PLCG2: variants seen among roughly 807,000 people sequenced by gnomAD.
The protein encoded by PLCG2 is phospholipase C gamma 2.
Under a neutral mutation model 175.6 loss-of-function variants are expected in PLCG2, and 69 were observed. The ratio of observed to expected loss-of-function variants is 0.39; its 90% CI spans 0.32 to 0.48. PLCG2 has a LOEUF of 0.48. Among genes scored for constraint, PLCG2 ranks in the 20% least tolerant of loss-of-function variants. The pLI is 0.91. For synonymous variants in PLCG2, 827 were observed against 624.0 expected (o/e 1.33, Z -4.85); for missense variants, 1,798 against 1,650.9 (o/e 1.09, Z -1.54).
intron 2 of PLCG2, among the ~76,000 whole-genome samples, chr16:81,792,206 G>A (rs1380538437): frequency 6.6e-5 from 10 of 152,098 alleles, no homozygotes; most frequent in Non-Finnish European, 1.3e-4. Context: ...TCCAGCCTGG[G>A]CACAGTGGCT....
chr16:81,854,857 G>C (rs1202063778), intron 3 of PLCG2, among the ~76,000 whole-genome samples: 1 of 152,112 alleles, frequency 6.6e-6, no homozygotes, highest in African/African-American at 2.4e-5. Context: ...GTGTCTCTCT[G>C]GCTCATGCTG....
In PLCG2 at chr16:81,962,254, G is replaced by C. The variant is rs1911805421; in HGVS notation, c.*4256G>C. ...GACCTCAACCCTTTTGACTTTAAAA[G>C]GAAAATAGCTTAACCTTCAACCTGT... On this transcript the variant is annotated 3_prime_UTR_variant, in exon 33 of 33. Coordinates refer to ENST00000564138, the MANE Select transcript of PLCG2 (RefSeq NM_002661.5). 1 of 193,638 alleles carries C rather than the reference G, an allele frequency of 5.2e-6. No homozygotes were observed. The highest frequency in any genetic ancestry group is 1.9e-4 in the South Asian group (1 of 5,162). The allele number at this position is 193,638 out of a possible 1,614,324, so 12.0% of individuals were successfully genotyped here. A position where few individuals can be genotyped will look rare whatever the true frequency, so the allele number is the denominator to read the frequency against.
intron 19 of PLCG2, among the ~76,000 whole-genome samples, chr16:81,916,182 TAAAC>T (rs922287925): frequency 6.6e-6 from 1 of 152,074 alleles, no homozygotes; most frequent in African/African-American, 2.4e-5. Context: ...TCACTGGAAA[TAAAC>T]CACTGAAGCA....
rs182585583 is a variant in PLCG2 at position 81,921,432 on chromosome 16, C to A, written c.2307+163C>A. Reference sequence around the variant, plus strand: ...GAGAAGAAAGGATGATTGATAATATCAAGCCTAGTTTCAGGGAAAATGTTA... The same window carrying A: ...GAGAAGAAAGGATGATTGATAATATAAAGCCTAGTTTCAGGGAAAATGTTA... On this transcript the variant is annotated intron_variant, in intron 21 of 32. Coordinates refer to ENST00000564138, the MANE Select transcript of PLCG2 (RefSeq NM_002661.5). The A allele has an allele frequency of 6.8e-5, 46 of 675,712 alleles. No homozygotes were observed. The East Asian group carries it at 1.2e-3, about 18-fold the overall frequency. The allele number at this position is 675,712 out of a possible 1,614,324, so 41.9% of individuals were successfully genotyped here.
At chr16:81,804,246 A>G (rs1911891585) in intron 2 of PLCG2, among the ~76,000 whole-genome samples, 1 of 152,194 alleles carries the variant, frequency 6.6e-6, no homozygotes, top group South Asian at 2.1e-4. Context: ...TCACCATCCT[A>G]GTGGAGGTGA....
intron 2 of PLCG2, among the ~76,000 whole-genome samples, chr16:81,788,338 T>G (rs1481121327): frequency 6.6e-6 from 1 of 152,182 alleles, no homozygotes; most frequent in East Asian, 1.9e-4. Flanking sequence ...TGGAGTGCAG[T>G]AGTACAATGT....
At chr16:81,872,504 C>T (rs1189597466) in intron 7 of PLCG2, among the ~76,000 whole-genome samples, 1 of 152,186 alleles carries the variant, frequency 6.6e-6, no homozygotes, top group Non-Finnish European at 1.5e-5. Context: ...AGCTCATTTT[C>T]TGTGATATGT....
At chr16:81,939,436 A>G (rs1420174062) in intron 29 of PLCG2, among the ~76,000 whole-genome samples, 1 of 152,208 alleles carries the variant, frequency 6.6e-6, no homozygotes, top group African/African-American at 2.4e-5. Context: ...TGAACAACTC[A>G]GATGCTGACC....
Position 81,889,245 on chromosome 16 carries a change from C to G in PLCG2, c.839C>G (p.Thr280Ser), listed in dbSNP as rs757316414. ...TKFIDDTMRE[T>S]AEPFLFVDEF... ...TTCATTGATGACACCATGCGTGAAA[C>G]TGCTGAGCCTTTCTTGTTTGTGGAT... Residue 280 changes from threonine to serine, a missense_variant, in exon 10 of 33, where the codon ACT (threonine) becomes AGT (serine). Coordinates refer to ENST00000564138, the MANE Select transcript of PLCG2 (RefSeq NM_002661.5). 3 of 1,604,036 alleles carry G rather than the reference C, an allele frequency of 1.9e-6. No individual in the cohort carries two copies. Among genetic ancestry groups the G allele is most frequent in the Admixed American group, 1.7e-5 (1 of 59,042 alleles).
At chr16:81,843,510 G>A (rs777539689) in intron 2 of PLCG2, among the ~76,000 whole-genome samples, 1 of 152,102 alleles carries the variant, frequency 6.6e-6, no homozygotes, top group African/African-American at 2.4e-5. Context: ...AATTTCCTTA[G>A]TATCACTTAA....
chr16:81,912,693 C>G lies in PLCG2; in HGVS notation c.2031C>G (p.Ser677Arg). Residue 677 changes from serine (S) to arginine (R), a missense_variant, in exon 19 of 33, where the codon AGC (serine) becomes AGG (arginine). By Grantham distance (110) the Ser-to-Arg change is moderately radical. Transcript: ENST00000564138. Reference sequence around the variant, plus strand: ...TCCTGATCCGGAAGCGAGAGGGGAGCGACTCCTATGCCATCACCTTCAGGT... The same window carrying G: ...TCCTGATCCGGAAGCGAGAGGGGAGGGACTCCTATGCCATCACCTTCAGGT... Reference protein sequence around the residue: ...GAFLIRKREGSDSYAITFRAR... With the variant: ...GAFLIRKREGRDSYAITFRAR... The G allele has an allele frequency of 6.2e-7, 1 of 1,609,702 alleles. No homozygotes were observed. The highest frequency in any genetic ancestry group is 8.5e-7 in the Non-Finnish European group (1 of 1,177,858).
chr16:81,772,801 T>A lies in PLCG2; in HGVS notation c.-47-13142T>A, dbSNP rs141884367. On this transcript the variant is annotated intron_variant, in intron 2 of 5. Transcript: ENST00000565054. ...TCCAGCCTGGGCAATAGAGTGAGAC[T>A]CCATCTCCAAAAAAAAGAATGACTG... Among the ~76,000 whole-genome samples the A allele has an allele frequency of 1.8e-4, 25 of 139,358 alleles. 1 individual carries two copies. Among genetic ancestry groups the A allele is most frequent in the African/African-American group, 5.3e-4 (21 of 39,762 alleles). The allele number at this position is 139,358 out of a possible 152,430, so 91.4% of individuals were successfully genotyped here.
intron 25 of PLCG2, among the ~76,000 whole-genome samples, chr16:81,933,784 A>G (rs1431005614): frequency 6.6e-6 from 1 of 152,214 alleles, no homozygotes; most frequent in Non-Finnish European, 1.5e-5. Flanking sequence ...GGCCAATAAA[A>G]GTCTGATAGA....
intron 19 of PLCG2, among the ~76,000 whole-genome samples, chr16:81,915,984 C>T (rs988478429): frequency 2.0e-5 from 3 of 152,048 alleles, no homozygotes; most frequent in Non-Finnish European, 2.9e-5. Flanking sequence ...TCCATCCAGA[C>T]ATTTAAAAAA....
chr16:81,904,228 A>C (rs74029302), intron 14 of PLCG2, among the ~76,000 whole-genome samples: 1,760 of 152,246 alleles, frequency 0.012, 32 homozygotes, highest in African/African-American at 0.041. Flanking sequence ...ACGTTCTTTG[A>C]CTTACGGGAT....
At chr16:81,883,459 C>G in intron 9 of PLCG2, 118 bp downstream of exon 9, 1 of 730,328 alleles carries the variant, frequency 1.4e-6, no homozygotes, top group South Asian at 1.6e-5. Context: ...GCCACCTGTG[C>G]TCACCTGGCC....
chr16:81,742,408 G>A (rs1229379451), intron 1 of PLCG2, among the ~76,000 whole-genome samples: 3 of 152,274 alleles, frequency 2.0e-5, no homozygotes, highest in African/African-American at 7.2e-5. Context: ...GCCTGTGTAT[G>A]ACTCTAAGAG....
intron 25 of PLCG2, 85 bp downstream of exon 25, chr16:81,931,739 A>G (rs2143714022): frequency 1.8e-6 from 2 of 1,119,690 alleles, no homozygotes; most frequent in East Asian, 4.7e-5. Flanking sequence ...GGGTCCAGGC[A>G]GCAGGATGAG....
chr16:81,892,289 C>G (rs1401745438), intron 11 of PLCG2, among the ~76,000 whole-genome samples: 1 of 152,146 alleles, frequency 6.6e-6, no homozygotes, highest in Non-Finnish European at 1.5e-5. Flanking sequence ...CGACTTTTAA[C>G]CAGAAGATGA....
Sources: allele counts gnomAD v4.1 joint callset (sites outside exome capture counted in the v4.1 genomes callset), GRCh38; gene constraint gnomAD v4.1.1; transcripts MANE v1.5; gene names NCBI Gene and HGNC (gene_info 2026-07-23, HGNC 2026-07-21).